The following PCCB variants were observed in gnomAD, a reference collection of about 807,000 sequenced individuals.
PCCB encodes propionyl-CoA carboxylase subunit beta.
PCCB carries 43 observed loss-of-function variants against 60.7 expected under a neutral mutation model. The observed-to-expected ratio is 0.71, with a 90% CI of 0.55 to 0.91. The LOEUF (loss-of-function observed/expected upper bound fraction) is 0.91, where lower values mean the gene tolerates loss of function less well. PCCB is among the 40% of genes least tolerant of loss of function. The pLI, the probability that PCCB is intolerant of heterozygous loss-of-function variation, is 0.00. For missense variants in PCCB, 766 were observed against 702.8 expected, an observed-to-expected ratio of 1.09 and a Z score of -1.02; for synonymous variants, 276 against 255.9, an observed-to-expected ratio of 1.08 and a Z score of -0.75.
At chr3:136,316,116 G>A (rs1176799776) in intron 9 of PCCB, among the ~76,000 whole-genome samples, 1 of 151,374 alleles carries the variant, frequency 6.6e-6, no homozygotes, top group Non-Finnish European at 1.5e-5. Flanking sequence ...TTGCTTGGGA[G>A]GCAGAGGTGG....
At chr3:136,309,262 CAA>C (rs1202774808) in intron 9 of PCCB, among the ~76,000 whole-genome samples, 5 of 47,016 alleles carry the variant, frequency 1.1e-4, no homozygotes, top group African/African-American at 2.4e-4. Context: ...GACTCCATCT[CAA>C]AAAAAAAAAA....
intron 5 of PCCB, among the ~76,000 whole-genome samples, chr3:136,281,815 T>C (rs983134663): frequency 8.5e-5 from 13 of 152,204 alleles, no homozygotes; most frequent in African/African-American, 3.1e-4. Context: ...GTTTGAACTT[T>C]TGCAAGCTGT....
intron 8 of PCCB, among the ~76,000 whole-genome samples, chr3:136,299,076 TC>T (rs759697154): frequency 3.9e-5 from 6 of 152,000 alleles, no homozygotes; most frequent in Non-Finnish European, 5.9e-5. Context: ...AGTTTGGAGT[TC>T]CTGAAGGGTT....
rs781142631 is a variant in PCCB, at chr3:136,260,520, C to T, written c.414C>T (p.Ala138=). The T allele has an allele frequency of 3.7e-6, 6 of 1,612,968 alleles. No individual in the cohort carries two copies. Among genetic ancestry groups the T allele is most frequent in the Non-Finnish European group, 5.1e-6 (6 of 1,179,200 alleles). Residue 138 remains alanine, a synonymous_variant, in exon 4 of 15, where the codon GCC becomes GCT. Transcript: ENST00000251654. The part of the protein sequence containing the change: ...VFGGSLSGAH[A]QKICKIMDQA... ...GAGGCAGTCTGTCAGGAGCACATGC[C>T]CAAAAGATCTGCAAAGTAAGTGTTT... is the stretch of plus-strand genomic sequence containing the variant.
At chr3:136,301,475 G>A (rs183071098) in intron 9 of PCCB, among the ~76,000 whole-genome samples, 1 of 151,986 alleles carries the variant, frequency 6.6e-6, no homozygotes, top group African/African-American at 2.4e-5. Flanking sequence ...GCTCAGAGGG[G>A]GTTTTGTCTT....
At chr3:136,295,123 G>A (rs1052903251) in intron 7 of PCCB, among the ~76,000 whole-genome samples, 2 of 152,224 alleles carry the variant, frequency 1.3e-5, no homozygotes, top group African/African-American at 2.4e-5. Context: ...CCACCCAGCT[G>A]TGAATGGATT....
intron 5 of PCCB, among the ~76,000 whole-genome samples, chr3:136,277,230 A>C (rs1199757367): frequency 6.6e-6 from 1 of 151,964 alleles, no homozygotes. Flanking sequence ...CAGATGCAGG[A>C]CCTCCTGGTT....
rs1941484536 is a variant in PCCB at position 136,250,541 on chromosome 3, G to T, written c.166G>T (p.Asp56Tyr). 3 of 1,612,586 alleles carry T rather than the reference G, an allele frequency of 1.9e-6. No homozygotes were observed. Among genetic ancestry groups the T allele is most frequent in the Non-Finnish European group, 2.5e-6 (3 of 1,179,686 alleles). ...GCTGGGAGGGGGCCAACGCCGTATTGACGCGCAGCACAAGCGAGTGAGTCC... is the reference window on the plus strand; with the variant it reads ...GCTGGGAGGGGGCCAACGCCGTATTTACGCGCAGCACAAGCGAGTGAGTCC... ...ALLGGGQRRI[D>Y]AQHKRGKLTA... The change falls in exon 1 of 15, where the codon GAC becomes TAC. Residue 56 changes from aspartate to tyrosine, a missense_variant. Coordinates refer to ENST00000251654, the MANE Select transcript of PCCB (RefSeq NM_000532.5).
rs957827580 is a variant in PCCB, at chr3:136,259,146, C to T, written c.373-1333C>T. ...AGAAGAAGCAGTGAGAGCTCTGATTCTTGTTTTTTAACCTTTCTTTTTAAA... is the reference window on the plus strand; with the variant it reads ...AGAAGAAGCAGTGAGAGCTCTGATTTTTGTTTTTTAACCTTTCTTTTTAAA... On this transcript the variant is annotated intron_variant, in intron 3 of 14. Coordinates refer to ENST00000251654, the MANE Select transcript of PCCB (RefSeq NM_000532.5). 22 of 1,463,666 alleles carry T rather than the reference C, an allele frequency of 1.5e-5. No homozygotes were observed. The East Asian group carries it at 5.9e-4, about 39-fold the overall frequency. The allele number at this position is 1,463,666 out of a possible 1,614,324, so 90.7% of individuals were successfully genotyped here.
intron 5 of PCCB, among the ~76,000 whole-genome samples, chr3:136,267,645 T>C (rs2108156173): frequency 6.6e-6 from 1 of 152,072 alleles, no homozygotes; most frequent in East Asian, 1.9e-4. Context: ...CTACCACATC[T>C]GGCAATTTTT....
chr3:136,273,407 AG>A (rs1473706242), intron 5 of PCCB, among the ~76,000 whole-genome samples: 3 of 152,120 alleles, frequency 2.0e-5, no homozygotes, highest in Admixed American at 2.0e-4. Flanking sequence ...TAGTGCTGTC[AG>A]TGGAGTATCG....
At chr3:136,327,290 C>T (rs373172273) in intron 12 of PCCB, 35 bp downstream of exon 12, 19 of 1,503,962 alleles carry the variant, frequency 1.3e-5, no homozygotes, top group Non-Finnish European at 1.7e-5. Flanking sequence ...TGACCCTGCT[C>T]ACTTTCCTAC....
intron 5 of PCCB, among the ~76,000 whole-genome samples, chr3:136,280,546 A>G (rs1418461037): frequency 6.6e-6 from 1 of 152,162 alleles, no homozygotes; most frequent in Non-Finnish European, 1.5e-5. Flanking sequence ...GGGTTTCACC[A>G]TGTTGCCCAG....
chr3:136,324,362 TTGATG>T (rs1935219912), intron 10 of PCCB, among the ~76,000 whole-genome samples: 1 of 152,204 alleles, frequency 6.6e-6, no homozygotes, highest in Non-Finnish European at 1.5e-5. Flanking sequence ...GGGCTCTCCT[TTGATG>T]CTTAGCCAAA....
At chr3:136,292,941 T>C (rs958442818) in intron 6 of PCCB, among the ~76,000 whole-genome samples, 6 of 152,208 alleles carry the variant, frequency 3.9e-5, no homozygotes, top group African/African-American at 1.4e-4. Context: ...AGTATACTTA[T>C]ATTATCTATA....
intron 11 of PCCB, 63 bp downstream of exon 11, chr3:136,326,973 T>C (rs990121680): frequency 1.7e-6 from 2 of 1,208,644 alleles, no homozygotes; most frequent in Non-Finnish European, 2.5e-6. Context: ...CCCACTTTAT[T>C]TGGAGATCTT....
intron 10 of PCCB, chr3:136,326,511 C>G (rs1355026924): frequency 3.2e-5 from 21 of 656,396 alleles, no homozygotes; most frequent in Non-Finnish European, 5.5e-5. Context: ...CTGCCTCCCA[C>G]TGATGGCTCC....
At chr3:136,329,576 T>C (rs747523234) in intron 14 of PCCB, among the ~76,000 whole-genome samples, 9 of 152,366 alleles carry the variant, frequency 5.9e-5, no homozygotes, top group Non-Finnish European at 1.2e-4. Flanking sequence ...TGAATTGTTA[T>C]AGCCATTTTT....
chr3:136,273,597 C>CTTTTTTTTTTTTTTTTTTT, intron 5 of PCCB, among the ~76,000 whole-genome samples: 250 of 45,180 alleles, frequency 5.5e-3, no homozygotes, highest in Non-Finnish European at 6.4e-3. Flanking sequence ...TTTCTTTTTT[C>CTTTTTTTTTTTTTTTTTTT]TTTTTTTTTT....
Sources: gnomAD v4.1 joint callset for allele counts (sites outside exome capture counted in the v4.1 genomes callset) on GRCh38, gnomAD v4.1.1 for gene constraint, MANE v1.5 for transcripts, NCBI Gene and HGNC (gene_info 2026-07-23, HGNC 2026-07-21) for gene names.